NWD2: variants seen among roughly 807,000 people sequenced by gnomAD.
The protein encoded by NWD2 is NACHT and WD repeat domain-containing protein 2.
A neutral mutation model predicts 132.7 loss-of-function variants in NWD2; 37 were observed. The ratio of observed to expected loss-of-function variants is 0.28; its 90% CI spans 0.21 to 0.37. The LOEUF is 0.37. Ranked by LOEUF, NWD2 falls within the 10% of genes least tolerant of loss-of-function variation. The pLI is 1.00. For missense variants in NWD2, 1,592 were observed against 2,122.4 expected (o/e 0.75, Z 4.91); for synonymous variants, 705 against 803.0 (o/e 0.88, Z 2.06).
At chr4:37,263,666 A>C (rs1316394816) in intron 1 of NWD2, among the ~76,000 whole-genome samples, 1 of 148,580 alleles carries the variant, frequency 6.7e-6, no homozygotes. Context: ...TTGATGATTT[A>C]GAGTAGAAGT....
At chr4:37,381,926 T>G (rs781314939) in intron 3 of NWD2, among the ~76,000 whole-genome samples, 6 of 152,328 alleles carry the variant, frequency 3.9e-5, no homozygotes, top group Non-Finnish European at 7.3e-5. Flanking sequence ...TTTTGTGGGA[T>G]AACATTTTTT....
At chr4:37,285,754 C>T (rs986836571) in intron 1 of NWD2, among the ~76,000 whole-genome samples, 4 of 152,116 alleles carry the variant, frequency 2.6e-5, no homozygotes, top group African/African-American at 9.7e-5. Context: ...TTCCATTGAA[C>T]ATTTTATGCA....
At chr4:37,386,839 G>A (rs1720574323) in intron 3 of NWD2, among the ~76,000 whole-genome samples, 1 of 149,434 alleles carries the variant, frequency 6.7e-6, no homozygotes, top group Admixed American at 6.6e-5. Flanking sequence ...GGTTGTGAAA[G>A]AGATTGGAAC....
chr4:37,391,277 G>A (rs1329941150), intron 3 of NWD2, among the ~76,000 whole-genome samples: 2 of 152,170 alleles, frequency 1.3e-5, no homozygotes, highest in Non-Finnish European at 2.9e-5. Flanking sequence ...TGCTGAGAAA[G>A]AAAACACATA....
At chr4:37,253,315 T>C (rs978210024) in intron 1 of NWD2, among the ~76,000 whole-genome samples, 5 of 152,180 alleles carry the variant, frequency 3.3e-5, no homozygotes, top group African/African-American at 4.8e-5. Context: ...CCTTCATGCA[T>C]CCTAATACTA....
chr4:37,407,152 G>C (rs1367530882), intron 3 of NWD2, among the ~76,000 whole-genome samples: 1 of 152,100 alleles, frequency 6.6e-6, no homozygotes, highest in Non-Finnish European at 1.5e-5. Context: ...AGGTTGATAG[G>C]TGCAGCAAAC....
intron 2 of NWD2, among the ~76,000 whole-genome samples, chr4:37,331,621 G>T (rs1312590598): frequency 1.3e-5 from 2 of 152,166 alleles, no homozygotes; most frequent in Non-Finnish European, 2.9e-5. Context: ...TCAATGAGGG[G>T]ACATAGAGCA....
chr4:37,317,998 ATTTCTTT>A (rs33984641), intron 1 of NWD2, among the ~76,000 whole-genome samples: 2,471 of 144,532 alleles, frequency 0.017, 77 homozygotes, highest in African/African-American at 0.06. Context: ...AGCTGCTCTA[ATTTCTTT>A]TTTCTTTTTT....
In NWD2 at chr4:37,431,098, C is replaced by G. The variant is rs565122693; in HGVS notation, c.561+323C>G. Among the ~76,000 whole-genome samples, 10 of 152,272 alleles carry G rather than the reference C, an allele frequency of 6.6e-5. No homozygotes were observed. In the East Asian group the frequency reaches 1.9e-3, roughly 29 times the overall value. On this transcript the variant is annotated intron_variant, in intron 4 of 6. Transcript: ENST00000309447. ...ACATTCGGGCAGCCTCTCTGGGAAA[C>G]AGTATAGCAGTTCCTCAAAAAATTA... is the stretch of plus-strand genomic sequence containing the variant.
intron 1 of NWD2, among the ~76,000 whole-genome samples, chr4:37,279,003 A>G (rs1202519712): frequency 6.6e-6 from 1 of 152,180 alleles, no homozygotes; most frequent in Non-Finnish European, 1.5e-5. Context: ...AATAATGTCC[A>G]CAGAAGGAAG....
chr4:37,424,262 A>G (rs1577698916), intron 3 of NWD2, among the ~76,000 whole-genome samples: 1 of 152,304 alleles, frequency 6.6e-6, no homozygotes, highest in East Asian at 1.9e-4. Context: ...ATCACAATCA[A>G]ATGAGCTACT....
At chr4:37,381,343 T>G (rs896884576) in intron 3 of NWD2, among the ~76,000 whole-genome samples, 6 of 152,114 alleles carry the variant, frequency 3.9e-5, no homozygotes, top group Admixed American at 2.0e-4. Flanking sequence ...CTAATGGAGC[T>G]CCTCCAAATA....
chr4:37,401,894 A>G (rs1403524561), intron 3 of NWD2, among the ~76,000 whole-genome samples: 5 of 152,176 alleles, frequency 3.3e-5, no homozygotes, highest in Admixed American at 1.3e-4. Context: ...GTGCAGATCA[A>G]TGATACCCAC....
intron 3 of NWD2, among the ~76,000 whole-genome samples, chr4:37,413,272 C>T (rs542451383): frequency 3.7e-4 from 57 of 152,088 alleles, no homozygotes; most frequent in African/African-American, 1.3e-3. Context: ...AACAAATGTA[C>T]AAGAAAAAAG....
intron 1 of NWD2, among the ~76,000 whole-genome samples, chr4:37,283,161 A>G (rs907294504): frequency 6.6e-6 from 1 of 152,174 alleles, no homozygotes; most frequent in Non-Finnish European, 1.5e-5. Context: ...TTCTGTAACC[A>G]AAGAAAAGCC....
Position 37,245,187 on chromosome 4 carries a change from C to A in NWD2, c.120C>A (p.Ser40Arg). Residue 40 changes from serine (S) to arginine (R), a missense_variant, in exon 1 of 7, where the codon AGC becomes AGA. Ser to Arg is a moderately radical substitution (Grantham distance 110). Coordinates refer to ENST00000309447, the MANE Select transcript of NWD2 (RefSeq NM_001144990.2). ...CTCACCTCGTGCCCGCCGGCCGCAG[C>A]GTCCGGGTCTTCATCAGCGCCAACC... ...LPSHLVPAGRSVRVFISANPE... is the reference protein window; with the variant it reads ...LPSHLVPAGRRVRVFISANPE... 1.3e-6 allele frequency: 2 copies of A among 1,543,540 alleles called. No homozygotes were observed. Among genetic ancestry groups the A allele is most frequent in the Non-Finnish European group, 8.7e-7 (1 of 1,146,036 alleles).
intron 1 of NWD2, among the ~76,000 whole-genome samples, chr4:37,307,634 T>C (rs1718736096): frequency 6.6e-6 from 1 of 152,206 alleles, no homozygotes; most frequent in East Asian, 1.9e-4. Flanking sequence ...GGGGACTTTT[T>C]AGTTTCCTGT....
At position 37,430,607 on chromosome 4, in the gene NWD2, C is replaced by G; in HGVS notation, c.393C>G (p.Ile131Met). The stretch of plus-strand genomic sequence containing the variant: ...GTGAAAAATATGGGAATATCCGAAT[C>G]CCTGGAGAAGTTGAAGCCTCAGAGT... ...LLGEKYGNIR[I>M]PGEVEASEFE... The change falls in exon 4 of 7, where the codon ATC (isoleucine) becomes ATG (methionine). Residue 131 changes from isoleucine to methionine, a missense_variant. Ile to Met is a conservative substitution (Grantham distance 10). This residue lies in a region of NWD2 where 144 missense variants were observed against 185.7 expected (regional missense o/e 0.78). Coordinates refer to ENST00000309447, the MANE Select transcript of NWD2 (RefSeq NM_001144990.2). The G allele has an allele frequency of 6.4e-7, 1 of 1,551,514 alleles. No individual in the cohort carries two copies. The highest frequency in any genetic ancestry group is 8.7e-7 in the Non-Finnish European group (1 of 1,146,896).
rs1282833265 is a variant in NWD2, at chr4:37,445,840, T to C, written c.3852T>C (p.Ser1284=). ...CCATTGTTAAGTTAGTGAAATCCAG[T>C]CACCACAATATGCTACTGTCTTTAT... The part of the protein sequence containing the change: ...SGSIVKLVKS[S]HHNMLLSLST... The change falls in exon 7 of 7, where the codon AGT becomes AGC. Residue 1284 remains serine, a synonymous_variant. Transcript: ENST00000309447. The surrounding 1 kb of genome is among the most constrained non-coding windows in gnomAD (Gnocchi z 4.7). The C allele has an allele frequency of 2.6e-6, 4 of 1,551,916 alleles. No homozygotes were observed. Among genetic ancestry groups the C allele is most frequent in the Middle Eastern group, 1.7e-4 (1 of 6,016 alleles).
Sources: gnomAD v4.1 joint callset for allele counts (sites outside exome capture counted in the v4.1 genomes callset) on GRCh38, gnomAD v4.1.1 for gene constraint, gnomAD v4.1.1 regional missense constraint, Gnocchi (gnomAD v3.1) non-coding constraint, MANE v1.5 for transcripts, NCBI Gene and HGNC (gene_info 2026-07-23, HGNC 2026-07-21) for gene names.